The following FHIT variants were observed in gnomAD, a reference collection of about 807,000 sequenced individuals.
FHIT encodes bis(5'-adenosyl)-triphosphatase.
Under a neutral mutation model 17.9 loss-of-function variants are expected in FHIT, and 19 were observed. The observed-to-expected ratio is 1.06, with a 90% CI of 0.74 to 1.56. The LOEUF is 1.56. FHIT is among the 40% of genes most tolerant of loss of function. The pLI is 0.00. For missense variants in FHIT, 248 were observed against 189.2 expected (o/e 1.31, Z -1.82); for synonymous variants, 81 against 69.7 (o/e 1.16, Z -0.81).
chr3:60,206,149 A>AT lies in FHIT; in HGVS notation c.104-191998_104-191997insA, dbSNP rs1553712154. 9.7e-4 allele frequency among the ~76,000 whole-genome samples: 91 copies of AT among 94,120 alleles called. 2 individuals carry two copies. Among genetic ancestry groups the AT allele is most frequent in the Middle Eastern group, 4.9e-3 (1 of 206 alleles). 61.7% of individuals were successfully genotyped at this position (94,120 alleles called of 152,430 possible). The stretch of plus-strand genomic sequence containing the variant: ...CTCCGTCTCAAAAAAAAAAAAAAAT[A>AT]AATAATAATAATAATAATAATAATT... On this transcript the variant is annotated intron_variant, in intron 5 of 9. Coordinates refer to ENST00000492590, the MANE Select transcript of FHIT (RefSeq NM_002012.4).
At chr3:59,888,939 G>C (rs1322630624) in intron 8 of FHIT, among the ~76,000 whole-genome samples, 1 of 152,184 alleles carries the variant, frequency 6.6e-6, no homozygotes, top group African/African-American at 2.4e-5. Flanking sequence ...CACATAGCCA[G>C]AAGAGAGGGT....
intron 4 of FHIT, among the ~76,000 whole-genome samples, chr3:60,675,833 A>G (rs1318579368): frequency 2.6e-5 from 4 of 152,266 alleles, no homozygotes; most frequent in Admixed American, 2.6e-4. Context: ...TTCTCAGAAG[A>G]CTACAATAAG....
intron 2 of FHIT, among the ~76,000 whole-genome samples, chr3:61,134,068 G>A (rs892484509): frequency 5.0e-5 from 6 of 120,816 alleles, no homozygotes; most frequent in East Asian, 4.3e-4. Context: ...CAGCCTGGGC[G>A]ACAGAGTGAG....
intron 3 of FHIT, among the ~76,000 whole-genome samples, chr3:61,032,137 A>C (rs1235825137): frequency 2.6e-5 from 4 of 152,218 alleles, no homozygotes; most frequent in Non-Finnish European, 5.9e-5. Context: ...GTATTCCTTC[A>C]TTCATTCAAC....
At chr3:61,047,516 T>C (rs1207039592) in intron 2 of FHIT, among the ~76,000 whole-genome samples, 1 of 152,216 alleles carries the variant, frequency 6.6e-6, no homozygotes, top group Non-Finnish European at 1.5e-5. Context: ...TCTATGCTCA[T>C]GGATAGGAAG....
chr3:59,759,518 A>G (rs1312003106), intron 8 of FHIT, among the ~76,000 whole-genome samples: 2 of 152,182 alleles, frequency 1.3e-5, no homozygotes, highest in Non-Finnish European at 1.5e-5. Flanking sequence ...TAAAGCACAC[A>G]GAGATCCTGG....
In FHIT at chr3:59,795,056, G is replaced by A. The variant is rs180971605; in HGVS notation, c.349-42735C>T. Among the ~76,000 whole-genome samples the A allele has an allele frequency of 5.3e-5, 8 of 152,220 alleles. No individual in the cohort carries two copies. The East Asian group carries it at 1.5e-3, about 29-fold the overall frequency. On this transcript the variant is annotated intron_variant, in intron 8 of 9. Coordinates refer to ENST00000492590, the MANE Select transcript of FHIT (RefSeq NM_002012.4). ...TGCAATGCAAAGCATGTAGCATGGG[G>A]TCTAGCATACAGTAAGTTCTCAGGC...
intron 8 of FHIT, among the ~76,000 whole-genome samples, chr3:59,890,713 A>G (rs1481815555): frequency 1.3e-5 from 2 of 152,220 alleles, no homozygotes; most frequent in Non-Finnish European, 2.9e-5. Context: ...GAGAGAAATT[A>G]TAATAAAAAT....
intron 3 of FHIT, among the ~76,000 whole-genome samples, chr3:60,839,330 A>G (rs1702639873): frequency 6.6e-6 from 1 of 152,154 alleles, no homozygotes; most frequent in Non-Finnish European, 1.5e-5. Context: ...TAAAAGACTC[A>G]GCCGATTCCC....
intron 4 of FHIT, among the ~76,000 whole-genome samples, chr3:60,807,147 T>C (rs2106696225): frequency 6.6e-6 from 1 of 152,346 alleles, no homozygotes; most frequent in East Asian, 1.9e-4. Context: ...AGTGAACAAT[T>C]AACTATTTTA....
At chr3:60,200,612 T>C (rs900592904) in intron 5 of FHIT, among the ~76,000 whole-genome samples, 2 of 151,970 alleles carry the variant, frequency 1.3e-5, no homozygotes, top group Non-Finnish European at 1.5e-5. Flanking sequence ...AGGGACAGCA[T>C]TAAACTGAAG....
At chr3:60,255,755 A>C (rs955815858) in intron 5 of FHIT, among the ~76,000 whole-genome samples, 1 of 152,130 alleles carries the variant, frequency 6.6e-6, no homozygotes, top group Non-Finnish European at 1.5e-5. Flanking sequence ...TTAGATGGAT[A>C]TCTATAACTG....
At chr3:59,826,671 G>A (rs1462564898) in intron 8 of FHIT, among the ~76,000 whole-genome samples, 4 of 152,238 alleles carry the variant, frequency 2.6e-5, no homozygotes, top group Admixed American at 1.3e-4. Context: ...TCTCATACAC[G>A]GGAGTCTCAG....
At chr3:59,846,483 C>T (rs1701725271) in intron 8 of FHIT, among the ~76,000 whole-genome samples, 2 of 151,994 alleles carry the variant, frequency 1.3e-5, no homozygotes, top group South Asian at 4.1e-4. Context: ...CCATTAGTCT[C>T]TTAAATTATA....
intron 8 of FHIT, among the ~76,000 whole-genome samples, chr3:59,854,767 A>C (rs1233694530): frequency 6.6e-6 from 1 of 151,692 alleles, no homozygotes; most frequent in African/African-American, 2.4e-5. Flanking sequence ...TTGCCATACT[A>C]GGCTCCCTCT....
At chr3:60,576,209 A>C (rs2037560099) in intron 4 of FHIT, among the ~76,000 whole-genome samples, 1 of 145,918 alleles carries the variant, frequency 6.9e-6, no homozygotes, top group African/African-American at 2.5e-5. Context: ...CGTCATTGGA[A>C]ATTAAGAATA....
intron 8 of FHIT, among the ~76,000 whole-genome samples, chr3:59,878,774 C>T (rs1202676764): frequency 6.6e-6 from 1 of 152,154 alleles, no homozygotes; most frequent in Non-Finnish European, 1.5e-5. Flanking sequence ...ATTCATTACT[C>T]GATATTGACG....
At position 59,803,618 on chromosome 3, in the gene FHIT, A is replaced by G. The variant is rs534759095; in HGVS notation, c.349-51297T>C. Among the ~76,000 whole-genome samples the G allele has an allele frequency of 3.3e-5, 5 of 152,350 alleles. No homozygotes were observed. In the South Asian group the frequency reaches 1.0e-3, roughly 32 times the overall value. On this transcript the variant is annotated intron_variant, in intron 8 of 9. Transcript: ENST00000492590. The stretch of plus-strand genomic sequence containing the variant: ...CTGCATCTCGCTCCTCACTTAGCAA[A>G]GTCATCAGGAGATTCTGCTAAGTAA...
intron 5 of FHIT, among the ~76,000 whole-genome samples, chr3:60,518,242 A>C (rs1348833848): frequency 6.6e-6 from 1 of 152,240 alleles, no homozygotes; most frequent in African/African-American, 2.4e-5. Flanking sequence ...TTTGCAACAA[A>C]TGTGACAGGT....
Sources: allele counts gnomAD v4.1 joint callset (sites outside exome capture counted in the v4.1 genomes callset), GRCh38; gene constraint gnomAD v4.1.1; transcripts MANE v1.5; gene names NCBI Gene and HGNC (gene_info 2026-07-23, HGNC 2026-07-21).